The following ADAD1 variants were observed in gnomAD, a reference collection of about 807,000 sequenced individuals.
ADAD1 encodes adenosine deaminase domain containing 1.
A neutral mutation model predicts 66.8 loss-of-function variants in ADAD1; 46 were observed. The ratio of observed to expected loss-of-function variants is 0.69; its 90% CI spans 0.54 to 0.88. The LOEUF (loss-of-function observed/expected upper bound fraction) is 0.88. Among genes scored for constraint, ADAD1 ranks in the 40% least tolerant of loss-of-function variants. The pLI is 0.00. For synonymous variants in ADAD1, 248 were observed against 229.4 expected, an observed-to-expected ratio of 1.08 and a Z score of -0.73; for missense variants, 617 against 681.8, an observed-to-expected ratio of 0.91 and a Z score of 1.06.
intron 7 of ADAD1, among the ~76,000 whole-genome samples, chr4:122,397,564 T>C (rs1241781113): frequency 1.3e-5 from 2 of 152,194 alleles, no homozygotes; most frequent in Non-Finnish European, 2.9e-5. Flanking sequence ...TAAACAATAA[T>C]TGACAAATAA....
chr4:122,379,723 C>G, intron 2 of ADAD1: 1 of 169,108 alleles, frequency 5.9e-6, no homozygotes, highest in Non-Finnish European at 1.3e-5. Context: ...AGGCCACCTA[C>G]GAGCTGATTT....
chr4:122,400,679 T>C (rs1176932298), intron 7 of ADAD1, among the ~76,000 whole-genome samples: 2 of 152,052 alleles, frequency 1.3e-5, no homozygotes, highest in Admixed American at 1.3e-4. Context: ...TCACTCTGAC[T>C]GCTTGTTATT....
chr4:122,428,593 G>A (rs1433715831), intron 12 of ADAD1, among the ~76,000 whole-genome samples: 1 of 152,228 alleles, frequency 6.6e-6, no homozygotes, highest in East Asian at 1.9e-4. Context: ...CAATAAAAAG[G>A]AACAAGCTAC....
chr4:122,421,509 AC>A, intron 12 of ADAD1, 119 bp downstream of exon 12: 1 of 970,018 alleles, frequency 1.0e-6, no homozygotes, highest in Non-Finnish European at 1.4e-6. Flanking sequence ...ATAAGATATT[AC>A]CAGGTAATGG....
chr4:122,422,121 C>CTTT (rs10713074), intron 12 of ADAD1, among the ~76,000 whole-genome samples: 32 of 113,850 alleles, frequency 2.8e-4, no homozygotes, highest in African/African-American at 9.9e-4. Context: ...CATGAACATC[C>CTTT]TTTTTTTTTT....
At chr4:122,385,949 C>G (rs547170829) in intron 5 of ADAD1, among the ~76,000 whole-genome samples, 1 of 152,156 alleles carries the variant, frequency 6.6e-6, no homozygotes, top group Non-Finnish European at 1.5e-5. Flanking sequence ...TCATTGATGG[C>G]CATTTGGGTT....
At chr4:122,428,134 A>G (rs2150618502) in intron 12 of ADAD1, among the ~76,000 whole-genome samples, 1 of 152,300 alleles carries the variant, frequency 6.6e-6, no homozygotes, top group Non-Finnish European at 1.5e-5. Flanking sequence ...CTCAAAGTGG[A>G]CTTTAGATCT....
intron 1 of ADAD1, 80 bp from the exon 2 acceptor site, chr4:122,379,291 CA>C (rs1794750738): frequency 6.6e-6 from 1 of 152,396 alleles, no homozygotes; most frequent in African/African-American, 2.4e-5. Context: ...GTAAGGCGGC[CA>C]GTTGGACCCG....
Position 122,383,926 on chromosome 4 carries a change from A to G in ADAD1, c.489A>G (p.Leu163=). 1 of 1,613,456 alleles carries G rather than the reference A, an allele frequency of 6.2e-7. No homozygotes were observed. Among genetic ancestry groups the G allele is most frequent in the Admixed American group, 1.7e-5 (1 of 59,876 alleles). The change falls in exon 5 of 13, where the codon CTA becomes CTG. Residue 163 remains leucine, a synonymous_variant. Transcript: ENST00000296513. ...NAAKLALDEL[L]QLDEPEPRIL... ...CAAAATTAGCTCTTGATGAGCTTCT[A>G]CAACTGGATGAACCTGAACCACGAA...
intron 9 of ADAD1, among the ~76,000 whole-genome samples, 171 bp from the exon 10 acceptor site, chr4:122,412,409 G>C (rs992420717): frequency 2.6e-5 from 4 of 152,056 alleles, no homozygotes; most frequent in Non-Finnish European, 2.9e-5. Flanking sequence ...TAGTACTATT[G>C]TAGAATAAAG....
chr4:122,380,265 A>G (rs45592737), intron 3 of ADAD1, 24 bp downstream of exon 3: 25,800 of 1,592,248 alleles, frequency 0.016, 261 homozygotes, highest in Non-Finnish European at 0.018. Context: ...CATTTGTAAC[A>G]ATGAGTCAGT....
chr4:122,409,169 G>C (rs1161245431), intron 8 of ADAD1, among the ~76,000 whole-genome samples: 1 of 152,120 alleles, frequency 6.6e-6, no homozygotes, highest in Non-Finnish European at 1.5e-5. Flanking sequence ...AGCATGCCTA[G>C]TTTCTTTTTC....
chr4:122,412,727 G>T lies in ADAD1; in HGVS notation c.1167G>T (p.Leu389Phe). ...RISSMSSSDK[L>F]TRWEVLGVQG... ...GCAGTATGTCCTCAAGTGACAAATT[G>T]ACCAGATGGGAAGTGCTTGGTGTAC... Residue 389 changes from leucine (L) to phenylalanine (F), a missense_variant, in exon 10 of 13, where the codon TTG becomes TTT. Physicochemically the swap from Leu to Phe is conservative, Grantham distance 22. Transcript: ENST00000296513. 6.2e-7 allele frequency: 1 copy of T among 1,613,896 alleles called. No homozygotes were observed. Among genetic ancestry groups the T allele is most frequent in the Non-Finnish European group, 8.5e-7 (1 of 1,179,830 alleles).
chr4:122,411,426 T>A, intron 9 of ADAD1, 34 bp downstream of exon 9: 1 of 1,572,558 alleles, frequency 6.4e-7, no homozygotes, highest in East Asian at 2.3e-5. Context: ...TAAAAGCAAG[T>A]AGGATGGCCA....
chr4:122,388,952 G>T (rs1400465697), intron 5 of ADAD1, among the ~76,000 whole-genome samples: 2 of 151,996 alleles, frequency 1.3e-5, no homozygotes, highest in Non-Finnish European at 2.9e-5. Context: ...TCTTTTAATT[G>T]ATGTTCGGGT....
At chr4:122,407,062 A>T (rs1233192564) in intron 7 of ADAD1, among the ~76,000 whole-genome samples, 1 of 151,804 alleles carries the variant, frequency 6.6e-6, no homozygotes, top group Non-Finnish European at 1.5e-5. Flanking sequence ...ATTGTTGCTG[A>T]GTTATTAGGT....
At chr4:122,407,885 TA>T in intron 7 of ADAD1, 22 bp from the exon 8 acceptor site, 1 of 1,610,228 alleles carries the variant, frequency 6.2e-7, no homozygotes, top group Non-Finnish European at 8.5e-7. Flanking sequence ...ATTAACCTGC[TA>T]CTGTCTACCT....
chr4:122,400,210 C>T (rs1795908793), intron 7 of ADAD1, among the ~76,000 whole-genome samples: 2 of 152,042 alleles, frequency 1.3e-5, no homozygotes, highest in African/African-American at 2.4e-5. Context: ...GGGTTTTAAT[C>T]TTAAAGCGAT....
intron 12 of ADAD1, among the ~76,000 whole-genome samples, chr4:122,422,090 TTTTC>T (rs1237851560): frequency 6.6e-6 from 1 of 151,882 alleles, no homozygotes; most frequent in Non-Finnish European, 1.5e-5. Flanking sequence ...TTAATCTACT[TTTTC>T]TTTCTATGTG....
Sources: gnomAD v4.1 joint callset for allele counts (sites outside exome capture counted in the v4.1 genomes callset) on GRCh38, gnomAD v4.1.1 for gene constraint, MANE v1.5 for transcripts, NCBI Gene and HGNC (gene_info 2026-07-23, HGNC 2026-07-21) for gene names.